The following RGMB variants were observed in gnomAD, a reference collection of about 807,000 sequenced individuals.
RGMB encodes the protein repulsive guidance molecule B.
Under a neutral mutation model 26.9 loss-of-function variants are expected in RGMB, and 16 were observed. The ratio of observed to expected loss-of-function variants is 0.60; its 90% CI spans 0.40 to 0.90. The LOEUF (loss-of-function observed/expected upper bound fraction) is 0.90. RGMB is among the 40% of genes least tolerant of loss of function. RGMB has a pLI of 0.00. For missense variants in RGMB, 512 were observed against 573.3 expected, an observed-to-expected ratio of 0.89 and a Z score of 1.09; for synonymous variants, 225 against 229.3, an observed-to-expected ratio of 0.98 and a Z score of 0.17.
At chr5:98,777,558 C>CT (rs1195463364) in intron 1 of RGMB, among the ~76,000 whole-genome samples, 2 of 152,192 alleles carry the variant, frequency 1.3e-5, no homozygotes, top group East Asian at 3.8e-4. Context: ...CTTAATGATG[C>CT]TAGCTGTTTT....
upstream of RGMB, among the ~76,000 whole-genome samples, chr5:98,771,418 C>T (rs148516707): frequency 6.6e-6 from 1 of 152,278 alleles, no homozygotes; most frequent in Non-Finnish European, 1.5e-5. Context: ...GCGGTATAAG[C>T]GACTATTCAC....
Position 98,779,961 on chromosome 5 carries a change from C to T in RGMB, c.518C>T (p.Thr173Ile), listed in dbSNP as rs773264383. The T allele has an allele frequency of 3.7e-6, 6 of 1,612,928 alleles. No individual in the cohort carries two copies. The highest frequency in any genetic ancestry group is 5.1e-6 in the Non-Finnish European group (6 of 1,179,390). ...TTGTTTGGAGATCCTCACCTCAGAA[C>T]TTTCAAGGATAACTTCCAAACATGC... Reference protein sequence around the residue: ...CGLFGDPHLRTFKDNFQTCKV... With the variant: ...CGLFGDPHLRIFKDNFQTCKV... Residue 173 changes from threonine to isoleucine, a missense_variant, in exon 2 of 3, where the codon ACT (threonine) becomes ATT (isoleucine). Thr to Ile is a moderately conservative substitution (Grantham distance 89). Coordinates refer to ENST00000513185, the MANE Select transcript of RGMB (RefSeq NM_001366508.1).
At chr5:98,770,707 G>T, upstream of RGMB, 1 of 1,355,768 alleles carries the variant, frequency 7.4e-7, no homozygotes, top group South Asian at 1.7e-5. Context: ...CAAGTCGCCC[G>T]CTTGGCCCTC....
intron 1 of RGMB, among the ~76,000 whole-genome samples, chr5:98,775,189 G>C (rs1746359182): frequency 6.6e-6 from 1 of 152,098 alleles, no homozygotes; most frequent in African/African-American, 2.4e-5. Context: ...CCTGAACTTC[G>C]ATGCCACCCA....
chr5:98,785,421 G>A (rs2112362838), intron 2 of RGMB, among the ~76,000 whole-genome samples: 1 of 152,274 alleles, frequency 6.6e-6, no homozygotes, highest in South Asian at 2.1e-4. Context: ...GGGGTGTCAA[G>A]AAGAGCCAGA....
chr5:98,786,725 C>T (rs1359884030), intron 2 of RGMB, among the ~76,000 whole-genome samples: 1 of 152,208 alleles, frequency 6.6e-6, no homozygotes, highest in Non-Finnish European at 1.5e-5. Context: ...GACAAGGAAG[C>T]TGGCCAACTT....
intron 2 of RGMB, among the ~76,000 whole-genome samples, chr5:98,786,246 C>G (rs2112364533): frequency 6.6e-6 from 1 of 152,254 alleles, no homozygotes; most frequent in South Asian, 2.1e-4. Flanking sequence ...TCAGAATGCC[C>G]CCCATTTGTA....
At chr5:98,783,832 C>G (rs1438200334) in intron 2 of RGMB, among the ~76,000 whole-genome samples, 3 of 152,100 alleles carry the variant, frequency 2.0e-5, no homozygotes, top group Admixed American at 1.3e-4. Flanking sequence ...AGTTGCATAC[C>G]TAAACAAACA....
rs1389122147 is a variant in RGMB, at chr5:98,793,819, T to C, written c.*66T>C. On this transcript the variant is annotated 3_prime_UTR_variant, in exon 3 of 3. Transcript: ENST00000513185. ...CAAAATTTTAAAATATATATTGTCA[T>C]AATATATTGAGTAAAAGAGTATATA... The C allele has an allele frequency of 1.0e-5, 12 of 1,189,556 alleles. No individual in the cohort carries two copies. Among genetic ancestry groups the C allele is most frequent in the Non-Finnish European group, 1.3e-5 (11 of 864,796 alleles). The allele number at this position is 1,189,556 out of a possible 1,614,324, so 73.7% of individuals were successfully genotyped here. A position where few individuals can be genotyped will look rare whatever the true frequency, so the allele number is the denominator to read the frequency against.
chr5:98,770,417 G>A, upstream of RGMB: 3 of 403,766 alleles, frequency 7.4e-6, no homozygotes, highest in Non-Finnish European at 8.9e-6. Flanking sequence ...GCGCTGGCAA[G>A]CGGCTCCCAA....
At chr5:98,777,776 A>G (rs1746463114) in intron 1 of RGMB, among the ~76,000 whole-genome samples, 1 of 152,250 alleles carries the variant, frequency 6.6e-6, no homozygotes, top group African/African-American at 2.4e-5. Flanking sequence ...CAGCTTTGGA[A>G]TGAGCAAACA....
At chr5:98,772,637 A>G (rs548010737), upstream of RGMB, 1 of 152,330 alleles carries the variant, frequency 6.6e-6, no homozygotes, top group East Asian at 1.9e-4. Context: ...ACAAATTGGA[A>G]TCTATCATCA....
rs772152359 is a variant in RGMB at position 98,779,947 on chromosome 5, T to C, written c.504T>C (p.Asp168=). Residue 168 remains aspartate, a synonymous_variant, in exon 2 of 3, where the codon GAT becomes GAC. Transcript: ENST00000513185. ...ACCTTTTTTGTGGCTTGTTTGGAGA[T>C]CCTCACCTCAGAACTTTCAAGGATA... ...PSYLFCGLFG[D]PHLRTFKDNF... 1.9e-6 allele frequency: 3 copies of C among 1,612,814 alleles called. No homozygotes were observed. The highest frequency in any genetic ancestry group is 2.2e-5 in the East Asian group (1 of 44,862).
intron 2 of RGMB, among the ~76,000 whole-genome samples, chr5:98,784,873 A>AGGG (rs1319904591): frequency 6.6e-6 from 1 of 152,166 alleles, no homozygotes; most frequent in African/African-American, 2.4e-5. Context: ...TGTTATAAAG[A>AGGG]GGGGGACGCA....
At chr5:98,778,945 A>T (rs1331643821) in intron 1 of RGMB, among the ~76,000 whole-genome samples, 2 of 152,082 alleles carry the variant, frequency 1.3e-5, no homozygotes, top group Non-Finnish European at 2.9e-5. Flanking sequence ...ATTTTGTAGA[A>T]ATTAGGAAAT....
chr5:98,793,235 G>A lies in RGMB; in HGVS notation c.796G>A (p.Gly266Ser). 1 of 1,614,052 alleles carries A rather than the reference G, an allele frequency of 6.2e-7. No individual in the cohort carries two copies. The highest frequency in any genetic ancestry group is 8.5e-7 in the Non-Finnish European group (1 of 1,179,896). ...KSLRIVERES[G>S]HYVEMHARYI... ...CCTGCGTATCGTGGAAAGGGAGAGTGGCCACTATGTGGAGATGCACGCCCG... is the reference window on the plus strand; with the variant it reads ...CCTGCGTATCGTGGAAAGGGAGAGTAGCCACTATGTGGAGATGCACGCCCG... Residue 266 changes from glycine (G) to serine (S), a missense_variant, in exon 3 of 3, where the codon GGC (glycine) becomes AGC (serine). Physicochemically the swap from Gly to Ser is moderately conservative, Grantham distance 56 (BLOSUM62 0). Transcript: ENST00000513185.
At chr5:98,784,067 G>T (rs118155543) in intron 2 of RGMB, among the ~76,000 whole-genome samples, 3 of 152,186 alleles carry the variant, frequency 2.0e-5, no homozygotes, top group African/African-American at 4.8e-5. Context: ...TCACCCTTGA[G>T]TGAGAGAAGG....
chr5:98,770,609 T>G (rs1272657151), upstream of RGMB: 1 of 1,345,890 alleles, frequency 7.4e-7, no homozygotes, highest in East Asian at 2.9e-5. Flanking sequence ...TCCTGCGTGT[T>G]CCGAAGTTCA....
At chr5:98,786,275 C>G (rs567031955) in intron 2 of RGMB, among the ~76,000 whole-genome samples, 1 of 152,172 alleles carries the variant, frequency 6.6e-6, no homozygotes, top group Non-Finnish European at 1.5e-5. Flanking sequence ...TAACCCAGCG[C>G]CTGTCCCTGT....
Sources: gnomAD v4.1 joint callset for allele counts (sites outside exome capture counted in the v4.1 genomes callset) on GRCh38, gnomAD v4.1.1 for gene constraint, MANE v1.5 for transcripts, NCBI Gene and HGNC (gene_info 2026-07-23, HGNC 2026-07-21) for gene names.